The following REEP1 variants were observed in gnomAD, a reference collection of about 807,000 sequenced individuals.
REEP1 encodes receptor expression-enhancing protein 1.
A neutral mutation model predicts 40.3 loss-of-function variants in REEP1; 22 were observed. The ratio of observed to expected loss-of-function variants is 0.55; its 90% CI spans 0.39 to 0.78. The LOEUF is 0.78. REEP1 is among the 30% of genes least tolerant of loss of function. The pLI is 0.00. For missense variants in REEP1, 280 were observed against 361.1 expected (o/e 0.78, Z 1.82); for synonymous variants, 116 against 139.2 (o/e 0.83, Z 1.17).
intron 5 of REEP1, among the ~76,000 whole-genome samples, chr2:86,249,016 T>G (rs1018312963): frequency 3.3e-5 from 5 of 152,080 alleles, no homozygotes; most frequent in African/African-American, 1.2e-4. Context: ...CCCAGCACTT[T>G]GGGAGGCTGA....
intron 5 of REEP1, among the ~76,000 whole-genome samples, chr2:86,246,654 G>A (rs958039498): frequency 6.6e-6 from 1 of 150,936 alleles, no homozygotes; most frequent in South Asian, 2.1e-4. Context: ...TTGTTCAGTG[G>A]TTCGTCTCAC....
intron 2 of REEP1, among the ~76,000 whole-genome samples, chr2:86,266,568 G>A (rs1448875706): frequency 2.0e-5 from 3 of 151,686 alleles, no homozygotes; most frequent in African/African-American, 4.8e-5. Flanking sequence ...GCAGTGAGCC[G>A]AGATTGCGCC....
chr2:86,267,392 T>TA (rs1455914176), intron 2 of REEP1, among the ~76,000 whole-genome samples: 1 of 152,210 alleles, frequency 6.6e-6, no homozygotes, highest in African/African-American at 2.4e-5. Flanking sequence ...ACCATGATTG[T>TA]AAGTTCCCTG....
At chr2:86,237,044 A>T (rs1675397168) in intron 5 of REEP1, among the ~76,000 whole-genome samples, 1 of 152,176 alleles carries the variant, frequency 6.6e-6, no homozygotes, top group Non-Finnish European at 1.5e-5. Context: ...GATTTTCATC[A>T]ATTTTAAGAC....
At chr2:86,257,502 C>G (rs1676628120) in intron 3 of REEP1, among the ~76,000 whole-genome samples, 1 of 152,146 alleles carries the variant, frequency 6.6e-6, no homozygotes, top group Non-Finnish European at 1.5e-5. Context: ...ATATGACTCC[C>G]TGAGTTGCCC....
chr2:86,284,436 T>G (rs1033218205), intron 1 of REEP1, among the ~76,000 whole-genome samples: 1 of 152,118 alleles, frequency 6.6e-6, no homozygotes, highest in Non-Finnish European at 1.5e-5. Flanking sequence ...AAGTACGTGT[T>G]CACTGTGTGA....
intron 3 of REEP1, among the ~76,000 whole-genome samples, chr2:86,256,217 G>A (rs4832260): frequency 0.37 from 55,446 of 151,664 alleles, 12,058 homozygotes; most frequent in East Asian, 0.58. Flanking sequence ...GCATGGTGGC[G>A]GGCACCTGTA....
In REEP1 at chr2:86,217,106, G is replaced by A. The variant is rs758721888; in HGVS notation, c.788C>T (p.Pro263Leu). 5.0e-6 allele frequency: 8 copies of A among 1,613,804 alleles called. No homozygotes were observed. Among genetic ancestry groups the A allele is most frequent in the Admixed American group, 1.7e-5 (1 of 60,024 alleles). ...GAAGCGAGATCGAAGGATTCTAGGCGGTGCCTGGTAGAGAAAACAGAAAGG... is the reference window on the plus strand; with the variant it reads ...GAAGCGAGATCGAAGGATTCTAGGCAGTGCCTGGTAGAGAAAACAGAAAGG... ...PRRMELPLEA[P>L]PRILRSRFRK... is the part of the protein sequence containing the mutation. Residue 263 changes from proline (P) to leucine (L), a missense_variant, in exon 9 of 9, where the codon CCG becomes CTG. Transcript: ENST00000538924.
chr2:86,244,148 A>G (rs1440772137), intron 5 of REEP1, among the ~76,000 whole-genome samples: 1 of 152,114 alleles, frequency 6.6e-6, no homozygotes, highest in Non-Finnish European at 1.5e-5. Context: ...AAGGCAACTG[A>G]CTCCAGTCAG....
chr2:86,300,085 G>C (rs976919460), intron 1 of REEP1, among the ~76,000 whole-genome samples: 2 of 152,208 alleles, frequency 1.3e-5, no homozygotes, highest in African/African-American at 4.8e-5. Context: ...TTAGAATGCT[G>C]TTCTGGACTG....
At chr2:86,324,605 A>T (rs1464135195) in intron 1 of REEP1, among the ~76,000 whole-genome samples, 1 of 152,202 alleles carries the variant, frequency 6.6e-6, no homozygotes, top group Non-Finnish European at 1.5e-5. Flanking sequence ...GCCGGACATC[A>T]AGAATTTTCA....
chr2:86,295,790 T>C (rs992438153), intron 1 of REEP1, among the ~76,000 whole-genome samples: 8 of 152,270 alleles, frequency 5.3e-5, no homozygotes, highest in East Asian at 1.9e-4. Context: ...CCGCCCGCCT[T>C]GGCCTCCCAA....
At chr2:86,272,356 T>C (rs780577113) in intron 2 of REEP1, among the ~76,000 whole-genome samples, 2 of 152,234 alleles carry the variant, frequency 1.3e-5, no homozygotes, top group Non-Finnish European at 2.9e-5. Context: ...ACATCAAAAT[T>C]GCTCTCACTG....
chr2:86,293,395 T>C (rs1258661109), intron 1 of REEP1, among the ~76,000 whole-genome samples: 1 of 152,058 alleles, frequency 6.6e-6, no homozygotes. Flanking sequence ...ACTACGGAGA[T>C]AGAAAACAGA....
intron 1 of REEP1, among the ~76,000 whole-genome samples, chr2:86,290,141 C>T (rs754892201): frequency 3.3e-5 from 5 of 152,108 alleles, no homozygotes; most frequent in Non-Finnish European, 7.4e-5. Flanking sequence ...GGATTACAGG[C>T]GTGCACCACC....
chr2:86,301,563 T>C (rs1047467070), intron 1 of REEP1, among the ~76,000 whole-genome samples: 7 of 152,236 alleles, frequency 4.6e-5, no homozygotes, highest in African/African-American at 1.7e-4. Context: ...CCAGAAATAC[T>C]AGTTTCCTAT....
intron 1 of REEP1, among the ~76,000 whole-genome samples, chr2:86,308,016 T>C (rs774322444): frequency 2.0e-5 from 3 of 152,154 alleles, no homozygotes; most frequent in Non-Finnish European, 4.4e-5. Context: ...AAAATAAATA[T>C]AGAAACTAAA....
chr2:86,226,071 G>C (rs1298972504), intron 7 of REEP1, among the ~76,000 whole-genome samples: 1 of 78,824 alleles, frequency 1.3e-5, no homozygotes, highest in African/African-American at 3.3e-5. Flanking sequence ...GATGCTCCAG[G>C]CTATCACCAC....
intron 1 of REEP1, among the ~76,000 whole-genome samples, chr2:86,330,168 A>T (rs1275238007): frequency 6.6e-6 from 1 of 152,082 alleles, no homozygotes; most frequent in Non-Finnish European, 1.5e-5. Flanking sequence ...AGATTGAAGG[A>T]GTATGTCAGG....
Sources: gnomAD v4.1 joint callset for allele counts (sites outside exome capture counted in the v4.1 genomes callset) on GRCh38, gnomAD v4.1.1 for gene constraint, MANE v1.5 for transcripts, NCBI Gene and HGNC (gene_info 2026-07-23, HGNC 2026-07-21) for gene names.